The following KLF8 variants were observed in gnomAD, a reference collection of about 807,000 sequenced individuals.
KLF8 encodes Krueppel-like factor 8.
A neutral mutation model predicts 18.2 loss-of-function variants in KLF8; 10 were observed. The ratio of observed to expected loss-of-function variants is 0.55; its 90% CI spans 0.34 to 0.93. KLF8 has a LOEUF of 0.93. Ranked by LOEUF, KLF8 falls within the 40% of genes least tolerant of loss-of-function variation. The pLI, the probability that KLF8 is intolerant of heterozygous loss-of-function variation, is 0.02. For synonymous variants in KLF8, 109 were observed against 97.3 expected (o/e 1.12, Z -0.71); for missense variants, 264 against 277.9 (o/e 0.95, Z 0.36).
the KLF8 span, among the ~76,000 whole-genome samples, chrX:55,938,537 A>G: frequency 1.8e-5 from 2 of 111,622 alleles, no homozygotes; most frequent in Non-Finnish European, 3.8e-5. Context: ...TTAACCTTAA[A>G]TGTAAATGGG....
the KLF8 span, among the ~76,000 whole-genome samples, chrX:56,197,266 A>AC: frequency 9.0e-6 from 1 of 110,765 alleles, no homozygotes; most frequent in African/African-American, 3.3e-5. Context: ...AAATAGAGAC[A>AC]CAAAAAAAAA....
chrX:56,108,690 G>T, the KLF8 span, among the ~76,000 whole-genome samples: 4 of 110,744 alleles, frequency 3.6e-5, no homozygotes, highest in Admixed American at 2.9e-4. Flanking sequence ...TCCCTATTTT[G>T]TTTACCTCTG....
At chrX:56,125,346 G>T in the KLF8 span, among the ~76,000 whole-genome samples, 1 of 111,789 alleles carries the variant, frequency 8.9e-6, no homozygotes, top group African/African-American at 3.3e-5. Flanking sequence ...AATGTCTAGA[G>T]TCCTGGGGAG....
At chrX:55,941,955 G>A in the KLF8 span, among the ~76,000 whole-genome samples, 1 of 111,641 alleles carries the variant, frequency 9.0e-6, no homozygotes, top group African/African-American at 3.3e-5. Flanking sequence ...GGAAGTCAGT[G>A]TGGCGATTCT....
the KLF8 span, among the ~76,000 whole-genome samples, chrX:56,113,199 G>GA: frequency 0.059 from 4,168 of 70,857 alleles, 271 homozygotes; most frequent in African/African-American, 0.19. Context: ...CTCCATCTCA[G>GA]AAAAAAAAAA....
At chrX:56,273,956 C>A (rs917431518) in intron 5 of KLF8, among the ~76,000 whole-genome samples, 4 of 112,197 alleles carry the variant, frequency 3.6e-5, no homozygotes, top group Admixed American at 9.5e-5. Flanking sequence ...CAAATTCTGG[C>A]TATTGTGAAT....
the KLF8 span, among the ~76,000 whole-genome samples, chrX:56,045,592 G>T: frequency 3.6e-5 from 4 of 111,297 alleles, no homozygotes; most frequent in Non-Finnish European, 7.6e-5. Flanking sequence ...TTGTTTGTTT[G>T]TTTTTTGTTT....
chrX:56,066,959 A>T, the KLF8 span, among the ~76,000 whole-genome samples: 1 of 109,816 alleles, frequency 9.1e-6, no homozygotes, highest in Non-Finnish European at 1.9e-5. Flanking sequence ...GGGAATTTGG[A>T]CTGCTGGCAG....
At chrX:56,041,050 G>A in the KLF8 span, among the ~76,000 whole-genome samples, 2 of 106,997 alleles carry the variant, frequency 1.9e-5, no homozygotes, top group Non-Finnish European at 3.9e-5. Flanking sequence ...TATGTGCATA[G>A]AGGTGTTTAT....
the KLF8 span, among the ~76,000 whole-genome samples, chrX:56,155,473 G>A: frequency 2.7e-5 from 3 of 110,665 alleles, no homozygotes; most frequent in Admixed American, 1.9e-4. Flanking sequence ...AGGAAGCGGG[G>A]AGGGATAGCA....
chrX:56,039,815 T>A, the KLF8 span, among the ~76,000 whole-genome samples: 1 of 111,763 alleles, frequency 8.9e-6, no homozygotes, highest in Non-Finnish European at 1.9e-5. Flanking sequence ...TAAATTACTT[T>A]GGATAGTGTG....
the KLF8 span, among the ~76,000 whole-genome samples, chrX:56,123,291 G>GAA: frequency 2.9e-5 from 3 of 102,962 alleles, no homozygotes; most frequent in Non-Finnish European, 5.7e-5. Flanking sequence ...AAGAAAGAAA[G>GAA]AAAGAAAGAG....
chrX:56,042,706 T>C, the KLF8 span, among the ~76,000 whole-genome samples: 1 of 111,958 alleles, frequency 8.9e-6, no homozygotes, highest in Non-Finnish European at 1.9e-5. Context: ...TGTCTTCTAT[T>C]CCTTTATTTT....
At chrX:55,920,784 C>G in the KLF8 span, among the ~76,000 whole-genome samples, 75 of 111,596 alleles carry the variant, frequency 6.7e-4, no homozygotes, top group Non-Finnish European at 1.3e-3. Context: ...GTTAAATATC[C>G]AAACCTAAGA....
At chrX:56,008,445 G>A in the KLF8 span, among the ~76,000 whole-genome samples, 24 of 111,768 alleles carry the variant, frequency 2.1e-4, 1 homozygote, top group East Asian at 8.5e-4. Flanking sequence ...ACTCCCACCC[G>A]CAACGAAGGG....
the KLF8 span, among the ~76,000 whole-genome samples, chrX:55,987,205 AT>A: frequency 2.1e-5 from 2 of 96,664 alleles, no homozygotes; most frequent in East Asian, 3.2e-4. Context: ...TTTTAATTTT[AT>A]TTTTTTATTA....
At chrX:56,067,312 G>A in the KLF8 span, among the ~76,000 whole-genome samples, 1 of 107,848 alleles carries the variant, frequency 9.3e-6, no homozygotes, top group Non-Finnish European at 1.9e-5. Flanking sequence ...GTAGCCAATA[G>A]GTCAGGCCTA....
the KLF8 span, among the ~76,000 whole-genome samples, chrX:56,169,520 G>T: frequency 9.0e-6 from 1 of 110,915 alleles, no homozygotes; most frequent in African/African-American, 3.3e-5. Context: ...TGACTGAAGA[G>T]CCTTAAGAGA....
chrX:56,201,941 C>A, the KLF8 span, among the ~76,000 whole-genome samples: 9 of 111,473 alleles, frequency 8.1e-5, no homozygotes, highest in South Asian at 3.4e-3. Context: ...GCCATGAAAA[C>A]ATTGATCATT....
Sources: allele counts gnomAD v4.1 joint callset (sites outside exome capture counted in the v4.1 genomes callset), GRCh38; gene constraint gnomAD v4.1.1; transcripts MANE v1.5; gene names NCBI Gene and HGNC (gene_info 2026-07-23, HGNC 2026-07-21).